The following FAM174B variants were observed in gnomAD, a reference collection of about 807,000 sequenced individuals.
The protein encoded by FAM174B is membrane protein FAM174B.
In FAM174B, 12 loss-of-function variants were observed where a neutral mutation model predicts 10.9. That is an observed-to-expected ratio of 1.10 (90% confidence interval 0.71 to 1.79). The LOEUF (loss-of-function observed/expected upper bound fraction) is 1.79, where lower values mean the gene tolerates loss of function less well. Among genes scored for constraint, FAM174B ranks in the 40% most tolerant of loss-of-function variants. The probability of loss-of-function intolerance (pLI) is 0.00; values close to 1 mark genes in which losing one functional copy is unlikely to be tolerated. For synonymous variants in FAM174B, 132 were observed against 115.8 expected (o/e 1.14, Z -0.90); for missense variants, 266 against 233.3 (o/e 1.14, Z -0.91).
At chr15:92,622,116 C>T (rs547518081) in intron 2 of FAM174B, among the ~76,000 whole-genome samples, 1 of 152,316 alleles carries the variant, frequency 6.6e-6, no homozygotes, top group South Asian at 2.1e-4. Context: ...GTACCGCTGC[C>T]ATGCTGAAAT....
rs1470712418 is a variant in FAM174B at position 92,630,783 on chromosome 15, TATATTAC to T, written c.345-445_345-439del. Among the ~76,000 whole-genome samples, 35 of 98,982 alleles carry T rather than the reference TATATTAC, an allele frequency of 3.5e-4. 2 individuals are homozygous for T. The highest frequency in any genetic ancestry group is 7.2e-4 in the Non-Finnish European group (31 of 42,874). 64.9% of individuals were successfully genotyped at this position (98,982 alleles called of 152,430 possible). A position where few individuals can be genotyped will look rare whatever the true frequency, so the allele number is the denominator to read the frequency against. ...TAATATATAATAATAATATATTTTA[TATATTAC>T]ATATTACATATTATATATATTTTAT... On this transcript the variant is annotated intron_variant, in intron 1 of 2. Coordinates refer to ENST00000327355, the MANE Select transcript of FAM174B (RefSeq NM_207446.3).
chr15:92,642,666 A>T (rs1022523862), intron 1 of FAM174B, among the ~76,000 whole-genome samples: 2 of 152,192 alleles, frequency 1.3e-5, no homozygotes, highest in African/African-American at 4.8e-5. Flanking sequence ...CCATGATTAT[A>T]AGTTCCCTGA....
rs143346719 is a variant in FAM174B at position 92,617,707 on chromosome 15, C to G, written c.*1749G>C. 3.5e-5 allele frequency: 24 copies of G among 680,122 alleles called. 1 individual carries two copies. Among genetic ancestry groups the G allele is most frequent in the African/African-American group, 1.3e-4 (7 of 55,634 alleles). The allele number at this position is 680,122 out of a possible 1,614,324, so 42.1% of individuals were successfully genotyped here. A position where few individuals can be genotyped will look rare whatever the true frequency, so the allele number is the denominator to read the frequency against. ...AACAGCTGCGAGGTGGCCAGGCTCC[C>G]GTGAGTCACCACTCAGGCCTGAGTA... On this transcript the variant is annotated 3_prime_UTR_variant, in exon 3 of 3. Coordinates refer to ENST00000327355, the MANE Select transcript of FAM174B (RefSeq NM_207446.3).
In FAM174B at chr15:92,617,868, GC is replaced by G. The variant is rs3833028; in HGVS notation, c.*1587del. Reference sequence around the variant, plus strand: ...TGCAGGGAGCAGAGACTACACGCAGGCCCCCCGTGGCTGGCAATACCATGCG... The same window carrying G: ...TGCAGGGAGCAGAGACTACACGCAGGCCCCCGTGGCTGGCAATACCATGCG... On this transcript the variant is annotated 3_prime_UTR_variant, in exon 3 of 3. Coordinates refer to ENST00000327355, the MANE Select transcript of FAM174B (RefSeq NM_207446.3). The G allele has an allele frequency of 0.012, 5,298 of 456,026 alleles. 66 individuals are homozygous for G. Among genetic ancestry groups the G allele is most frequent in the East Asian group, 0.048 (1,349 of 28,168 alleles). 28.2% of individuals were successfully genotyped at this position (456,026 alleles called of 1,614,324 possible). A position where few individuals can be genotyped will look rare whatever the true frequency, so the allele number is the denominator to read the frequency against.
chr15:92,625,286 G>C (rs1277112252), intron 2 of FAM174B, among the ~76,000 whole-genome samples: 1 of 152,118 alleles, frequency 6.6e-6, no homozygotes, highest in Non-Finnish European at 1.5e-5. Flanking sequence ...CAGGCTCTAA[G>C]TCACAAGATG....
chr15:92,622,632 C>G (rs534781466), intron 2 of FAM174B, among the ~76,000 whole-genome samples: 1 of 152,346 alleles, frequency 6.6e-6, no homozygotes, highest in South Asian at 2.1e-4. Context: ...CTCAAAGCTG[C>G]CACTCACTGA....
chr15:92,646,635 G>A (rs2050929784), intron 1 of FAM174B, among the ~76,000 whole-genome samples: 1 of 152,146 alleles, frequency 6.6e-6, no homozygotes, highest in African/African-American at 2.4e-5. Flanking sequence ...TTTATTGATA[G>A]ACCCTCTAAG....
intron 2 of FAM174B, 21 bp downstream of exon 2, chr15:92,630,193 G>A (rs373893050): frequency 4.9e-5 from 79 of 1,610,174 alleles, no homozygotes; most frequent in Non-Finnish European, 6.5e-5. Flanking sequence ...CCAGGAGGAA[G>A]CCTCTGTCTC....
intron 1 of FAM174B, among the ~76,000 whole-genome samples, chr15:92,647,901 T>C (rs2050939198): frequency 6.6e-6 from 1 of 152,234 alleles, no homozygotes. Flanking sequence ...CTATTCTCTC[T>C]GAAGCCTGCT....
intron 2 of FAM174B, among the ~76,000 whole-genome samples, chr15:92,620,814 C>CAAAAAA (rs34607670): frequency 9.8e-5 from 7 of 71,376 alleles, no homozygotes; most frequent in African/African-American, 1.2e-4. Context: ...GACTCTGTCT[C>CAAAAAA]AAAAAAAAAA....
intron 2 of FAM174B, among the ~76,000 whole-genome samples, chr15:92,628,323 C>G (rs2050767193): frequency 6.9e-6 from 1 of 145,816 alleles, no homozygotes; most frequent in Non-Finnish European, 1.5e-5. Flanking sequence ...CACCACCATG[C>G]CTGGCTAATT....
At chr15:92,643,507 GCT>G (rs1360682461) in intron 1 of FAM174B, among the ~76,000 whole-genome samples, 1 of 152,130 alleles carries the variant, frequency 6.6e-6, no homozygotes, top group African/African-American at 2.4e-5. Context: ...TTTGCTATAT[GCT>G]CTTTTGTTCT....
intron 2 of FAM174B, among the ~76,000 whole-genome samples, chr15:92,624,574 C>A (rs931842229): frequency 6.6e-6 from 1 of 152,224 alleles, no homozygotes. Flanking sequence ...GCAAACTGCA[C>A]AAAAATGCCC....
chr15:92,621,372 G>C (rs541629002), intron 2 of FAM174B, among the ~76,000 whole-genome samples: 12 of 152,276 alleles, frequency 7.9e-5, no homozygotes, highest in Admixed American at 2.0e-4. Flanking sequence ...AGAACTTTGG[G>C]AGGTCAAGGC....
intron 2 of FAM174B, among the ~76,000 whole-genome samples, chr15:92,620,994 T>C (rs2141946442): frequency 6.6e-6 from 1 of 152,216 alleles, no homozygotes; most frequent in Admixed American, 6.5e-5. Flanking sequence ...TACAAAATAA[T>C]GAACTTCCTG....
At chr15:92,633,279 C>T (rs1443540112) in intron 1 of FAM174B, among the ~76,000 whole-genome samples, 1 of 152,172 alleles carries the variant, frequency 6.6e-6, no homozygotes. Flanking sequence ...TGAATGAAAA[C>T]AAAACTTCAC....
intron 2 of FAM174B, among the ~76,000 whole-genome samples, chr15:92,627,820 A>C (rs1181613260): frequency 6.6e-6 from 1 of 152,206 alleles, no homozygotes; most frequent in African/African-American, 2.4e-5. Flanking sequence ...AATAGTAATA[A>C]GGACATGGTT....
At position 92,618,238 on chromosome 15, in the gene FAM174B, T is replaced by C. The variant is rs930929177; in HGVS notation, c.*1218A>G. ...CCCGAAGGCACTGCTAATAGACTAA[T>C]AGAAGCATCTTTGTTGCAGCCAATC... On this transcript the variant is annotated 3_prime_UTR_variant, in exon 3 of 3. Transcript: ENST00000327355. 2 of 152,778 alleles carry C rather than the reference T, an allele frequency of 1.3e-5. No individual in the cohort carries two copies. Among genetic ancestry groups the C allele is most frequent in the South Asian group, 2.1e-4 (1 of 4,834 alleles). The allele number at this position is 152,778 out of a possible 1,614,324, so 9.5% of individuals were successfully genotyped here.
At chr15:92,629,522 G>C (rs779972759) in intron 2 of FAM174B, among the ~76,000 whole-genome samples, 7 of 152,154 alleles carry the variant, frequency 4.6e-5, no homozygotes, top group Non-Finnish European at 8.8e-5. Context: ...TTGGGTGCCT[G>C]GTGTGTGGCA....
Sources: gnomAD v4.1 joint callset for allele counts (sites outside exome capture counted in the v4.1 genomes callset) on GRCh38, gnomAD v4.1.1 for gene constraint, MANE v1.5 for transcripts, NCBI Gene and HGNC (gene_info 2026-07-23, HGNC 2026-07-21) for gene names.